BCL2L1: variants seen among roughly 807,000 people sequenced by gnomAD.
BCL2L1 encodes BCL2 like 1, also known as bcl-2-like protein 1.
Under a neutral mutation model 18.7 loss-of-function variants are expected in BCL2L1, and 1 was observed. That is an observed-to-expected ratio of 0.05 (90% confidence interval 0.02 to 0.25). BCL2L1 has a LOEUF of 0.25. Ranked by LOEUF, BCL2L1 falls within the 10% of genes least tolerant of loss-of-function variation. The probability of loss-of-function intolerance (pLI) is 1.00; values close to 1 mark genes in which losing one functional copy is unlikely to be tolerated. For missense variants in BCL2L1, 207 were observed against 304.9 expected (o/e 0.68, Z 2.39); for synonymous variants, 103 against 122.7 (o/e 0.84, Z 1.06).
At chr20:31,694,515 C>T (rs975437752) in intron 2 of BCL2L1, among the ~76,000 whole-genome samples, 1 of 152,004 alleles carries the variant, frequency 6.6e-6, no homozygotes, top group Non-Finnish European at 1.5e-5. Context: ...TCTTGGAGGG[C>T]GGGCTCCTTG....
chr20:31,689,001 C>T (rs1245392447), intron 2 of BCL2L1, among the ~76,000 whole-genome samples: 1 of 151,904 alleles, frequency 6.6e-6, no homozygotes, highest in Non-Finnish European at 1.5e-5. Context: ...AAGCTAAAAG[C>T]GGACCAGGAT....
intron 2 of BCL2L1, among the ~76,000 whole-genome samples, chr20:31,678,399 CT>C (rs776678615): frequency 4.6e-5 from 7 of 152,124 alleles, no homozygotes; most frequent in Non-Finnish European, 1.0e-4. Context: ...AAGTATGGGC[CT>C]TTCCCCAACT....
intron 2 of BCL2L1, among the ~76,000 whole-genome samples, chr20:31,666,792 A>G (rs2060595456): frequency 6.6e-6 from 1 of 152,102 alleles, no homozygotes. Flanking sequence ...TGTCCCGGAC[A>G]TCCTCCACTG....
intron 2 of BCL2L1, among the ~76,000 whole-genome samples, chr20:31,684,007 C>T (rs2060913289): frequency 6.6e-6 from 1 of 152,132 alleles, no homozygotes; most frequent in East Asian, 1.9e-4. Flanking sequence ...TGTCCATCTG[C>T]ATATCACCTC....
At position 31,673,068 on chromosome 20, in the gene BCL2L1, CTTTTTT is replaced by C. The variant is rs906594378; in HGVS notation, c.565-6988_565-6983del. Among the ~76,000 whole-genome samples the C allele has an allele frequency of 5.5e-4, 65 of 118,240 alleles. 1 individual carries two copies. Among genetic ancestry groups the C allele is most frequent in the Non-Finnish European group, 5.3e-4 (30 of 56,390 alleles). The allele number at this position is 118,240 out of a possible 152,430, so 77.6% of individuals were successfully genotyped here. On this transcript the variant is annotated intron_variant, in intron 2 of 2. Coordinates refer to ENST00000307677, the MANE Select transcript of BCL2L1 (RefSeq NM_138578.3). ...ACCTCTCTGGTCCATGGTGTCCTTG[CTTTTTT>C]TTTTTTTTTTTTTTTGAGATAGCCT...
Position 31,714,582 on chromosome 20 carries a change from C to A in BCL2L1, c.564+7073G>T, listed in dbSNP as rs912508227. 2.0e-5 allele frequency among the ~76,000 whole-genome samples: 3 copies of A among 152,116 alleles called. No homozygotes were observed. The South Asian group carries it at 6.2e-4, about 32-fold the overall frequency. ...CCTCACTGTGTCTTTACCATCGCCC[C>A]CTGTGAGGCAGGTATTATTATTTGT... On this transcript the variant is annotated intron_variant, in intron 2 of 2. Transcript: ENST00000307677.
intron 2 of BCL2L1, chr20:31,716,905 A>C (rs2122825204): frequency 6.6e-6 from 1 of 152,326 alleles, no homozygotes; most frequent in East Asian, 1.9e-4. Context: ...AAAAAGACCC[A>C]GTGGGATTGC....
At chr20:31,721,499 AAC>A in intron 2 of BCL2L1, 154 bp downstream of exon 2, 1 of 853,220 alleles carries the variant, frequency 1.2e-6, no homozygotes, top group Non-Finnish European at 1.8e-6. Flanking sequence ...CCAAGGAGTT[AAC>A]CTCTTGTGGT....
chr20:31,703,693 T>C lies in BCL2L1; in HGVS notation c.564+17962A>G, dbSNP rs140799967. On this transcript the variant is annotated intron_variant, in intron 2 of 2. Coordinates refer to ENST00000307677, the MANE Select transcript of BCL2L1 (RefSeq NM_138578.3). ...TTTCAGTAGAGATGGGGTTTCACTG[T>C]GTTGGCCAGGCTGGTCTGGAACTCC... Among the ~76,000 whole-genome samples the C allele has an allele frequency of 1.6e-4, 24 of 151,854 alleles. No individual in the cohort carries two copies. In the East Asian group the frequency reaches 4.5e-3, roughly 28 times the overall value.
At chr20:31,668,024 G>A (rs866697628) in intron 2 of BCL2L1, among the ~76,000 whole-genome samples, 27 of 152,096 alleles carry the variant, frequency 1.8e-4, no homozygotes, top group African/African-American at 6.3e-4. Context: ...AAGGTCTAGT[G>A]GGATCTGGCT....
At chr20:31,713,560 G>C (rs1215435076) in intron 2 of BCL2L1, 2 of 985,254 alleles carry the variant, frequency 2.0e-6, no homozygotes, top group Admixed American at 1.2e-4. Context: ...AAAAAGCTGT[G>C]TGGCTCAGAG....
At chr20:31,700,609 C>T (rs1039389674) in intron 2 of BCL2L1, among the ~76,000 whole-genome samples, 1 of 152,298 alleles carries the variant, frequency 6.6e-6, no homozygotes, top group Admixed American at 6.5e-5. Context: ...AAATCTTAAC[C>T]CACATTGACT....
At chr20:31,666,290 A>C (rs989593557) in intron 2 of BCL2L1, among the ~76,000 whole-genome samples, 1 of 152,132 alleles carries the variant, frequency 6.6e-6, no homozygotes, top group African/African-American at 2.4e-5. Context: ...TACTGCTGAG[A>C]AACAGGTAGA....
chr20:31,676,083 C>T (rs1600772682), intron 2 of BCL2L1, among the ~76,000 whole-genome samples: 1 of 152,134 alleles, frequency 6.6e-6, no homozygotes, highest in Non-Finnish European at 1.5e-5. Context: ...AGTGTGGGCT[C>T]TCCATCTCTC....
Position 31,721,971 on chromosome 20 carries a change from A to C in BCL2L1, c.248T>G (p.Met83Arg). ...SSLDAREVIP[M>R]AAVKQALREA... ...CCTCAGCGCTTGCTTTACTGCTGCC[A>C]TGGGGATCACCTCCCGGGCATCCAA... Residue 83 changes from methionine (M) to arginine (R), a missense_variant, in exon 2 of 3, where the codon ATG (methionine) becomes AGG (arginine). Physicochemically the swap from Met to Arg is moderately conservative, Grantham distance 91. Coordinates refer to ENST00000307677, the MANE Select transcript of BCL2L1 (RefSeq NM_138578.3). The C allele has an allele frequency of 6.2e-7, 1 of 1,614,178 alleles. No individual in the cohort carries two copies. Among genetic ancestry groups the C allele is most frequent in the Non-Finnish European group, 8.5e-7 (1 of 1,180,024 alleles).
At chr20:31,715,067 G>C (rs1005342261) in intron 2 of BCL2L1, among the ~76,000 whole-genome samples, 6 of 152,066 alleles carry the variant, frequency 3.9e-5, no homozygotes, top group African/African-American at 1.4e-4. Context: ...GAGGTCAGGA[G>C]ATCGAGACCA....
At chr20:31,716,979 A>G (rs2061546838) in intron 2 of BCL2L1, among the ~76,000 whole-genome samples, 1 of 152,204 alleles carries the variant, frequency 6.6e-6, no homozygotes, top group South Asian at 2.1e-4. Context: ...GCAGAAGAGA[A>G]GAGGATCCAG....
chr20:31,692,540 C>T (rs1320746175), intron 2 of BCL2L1, among the ~76,000 whole-genome samples: 1 of 152,196 alleles, frequency 6.6e-6, no homozygotes, highest in Non-Finnish European at 1.5e-5. Context: ...CTTTGGGAGG[C>T]TGAGGCAGGC....
intron 2 of BCL2L1, among the ~76,000 whole-genome samples, chr20:31,688,461 GAAAGAAAAGAAAAAGA>G (rs1185164842): frequency 7.1e-6 from 1 of 140,056 alleles, no homozygotes; most frequent in Non-Finnish European, 1.6e-5. Context: ...AAAAAAAAAA[GAAAGAAAAGAAAAAGA>G]AAAGAAAAGA....
Sources: gnomAD v4.1 joint callset for allele counts (sites outside exome capture counted in the v4.1 genomes callset) on GRCh38, gnomAD v4.1.1 for gene constraint, MANE v1.5 for transcripts, NCBI Gene and HGNC (gene_info 2026-07-23, HGNC 2026-07-21) for gene names.